BRINP3: variants seen among roughly 807,000 people sequenced by gnomAD.
BRINP3 encodes BMP/retinoic acid inducible neural specific 3.
BRINP3 carries 19 observed loss-of-function variants against 71.0 expected under a neutral mutation model. That is an observed-to-expected ratio of 0.27 (90% CI 0.19 to 0.39). The LOEUF (loss-of-function observed/expected upper bound fraction) is 0.39. Ranked by LOEUF, BRINP3 falls within the 10% of genes least tolerant of loss-of-function variation. BRINP3 has a pLI of 1.00. For missense variants in BRINP3, 959 were observed against 940.8 expected (o/e 1.02, Z -0.25); for synonymous variants, 380 against 337.7 (o/e 1.13, Z -1.37).
At chr1:190,401,376 CAAAA>C (rs762938571) in intron 2 of BRINP3, among the ~76,000 whole-genome samples, 5 of 89,372 alleles carry the variant, frequency 5.6e-5, no homozygotes, top group Non-Finnish European at 7.9e-5. Flanking sequence ...CATCTCAAAA[CAAAA>C]AAAAAAAAAA....
rs77373916 is a variant in BRINP3 at position 190,458,329 on chromosome 1, T to A, written c.-50-3389A>T. Among the ~76,000 whole-genome samples the A allele has an allele frequency of 1.2e-3, 180 of 152,236 alleles. 1 individual carries two copies. The East Asian group carries it at 0.014, about 12-fold the overall frequency. On this transcript the variant is annotated intron_variant, in intron 1 of 7. Transcript: ENST00000367462. ...ATATTTTGTAATGAACAAATTGAGA[T>A]ATCCCAATAAAGTTATACTGAAATA...
rs3078073 is a variant in BRINP3, at chr1:190,118,131, TAC to T, written c.1185-18999_1185-18998del. On this transcript the variant is annotated intron_variant, in intron 7 of 7. Coordinates refer to ENST00000367462, the MANE Select transcript of BRINP3 (RefSeq NM_199051.3). ...AAATTAATATTCTGTTCCCAAATCA[TAC>T]ACACACACACACACAATATAAACAA... is the stretch of plus-strand genomic sequence containing the variant. 9.7e-4 allele frequency among the ~76,000 whole-genome samples: 145 copies of T among 150,218 alleles called. 1 individual carries two copies. The highest frequency in any genetic ancestry group is 3.4e-3 in the African/African-American group (141 of 40,954).
chr1:190,440,659 A>G (rs1327375015), intron 2 of BRINP3, among the ~76,000 whole-genome samples: 1 of 152,016 alleles, frequency 6.6e-6, no homozygotes, highest in African/African-American at 2.4e-5. Context: ...ATGGTCGATA[A>G]AAGCATGAAA....
Position 190,098,025 on chromosome 1 carries a change from C to T in BRINP3, c.2294G>A (p.Cys765Tyr). 1.2e-6 allele frequency: 2 copies of T among 1,602,478 alleles called. No individual in the cohort carries two copies. The highest frequency in any genetic ancestry group is 1.7e-6 in the Non-Finnish European group (2 of 1,174,106). Reference sequence around the variant, plus strand: ...TGTGCTTGACATTTATGGTTAACTACATAATTTGGTCGTGTCATAATCCAT... The same window carrying T: ...TGTGCTTGACATTTATGGTTAACTATATAATTTGGTCGTGTCATAATCCAT... ...NTMDYDTTKL[C>Y]S is the part of the protein sequence containing the mutation. Residue 765 changes from cysteine to tyrosine, a missense_variant, in exon 8 of 8, where the codon TGT (cysteine) becomes TAT (tyrosine). By Grantham distance (194) the Cys-to-Tyr change is radical (BLOSUM62 -2). Transcript: ENST00000367462.
intron 2 of BRINP3, among the ~76,000 whole-genome samples, chr1:190,316,367 G>A (rs534094988): frequency 3.3e-5 from 5 of 152,148 alleles, no homozygotes; most frequent in African/African-American, 1.2e-4. Flanking sequence ...TTAATGTGTG[G>A]CAGAGTCAGA....
chr1:190,298,457 T>C (rs1196599745), intron 2 of BRINP3, among the ~76,000 whole-genome samples: 3 of 151,922 alleles, frequency 2.0e-5, no homozygotes, highest in Non-Finnish European at 4.4e-5. Flanking sequence ...TACATGAAAG[T>C]TTTTTGTGCT....
chr1:190,387,666 T>C (rs1670997844), intron 2 of BRINP3, among the ~76,000 whole-genome samples: 1 of 151,564 alleles, frequency 6.6e-6, no homozygotes, highest in African/African-American at 2.4e-5. Flanking sequence ...TTGCTTTTCC[T>C]ATGTCTCATT....
At chr1:190,361,785 C>A in intron 2 of BRINP3, among the ~76,000 whole-genome samples, 2 of 152,180 alleles carry the variant, frequency 1.3e-5, no homozygotes, top group South Asian at 4.1e-4. Context: ...ATGTACAAGG[C>A]GGCTACATGC....
chr1:190,449,596 T>C (rs749233122), intron 2 of BRINP3, among the ~76,000 whole-genome samples: 4 of 152,002 alleles, frequency 2.6e-5, no homozygotes, highest in African/African-American at 4.8e-5. Flanking sequence ...ATGTATAATA[T>C]ATTACTGTAT....
intron 2 of BRINP3, among the ~76,000 whole-genome samples, chr1:190,288,324 A>G (rs1216234760): frequency 2.0e-5 from 3 of 151,996 alleles, no homozygotes; most frequent in Non-Finnish European, 4.4e-5. Flanking sequence ...AAAAAGAGAT[A>G]CATGGAATGT....
chr1:190,248,855 C>A (rs1055185200), intron 4 of BRINP3, among the ~76,000 whole-genome samples: 4 of 151,590 alleles, frequency 2.6e-5, no homozygotes, highest in African/African-American at 7.3e-5. Context: ...GGTTATGAGA[C>A]AGACTTTCTG....
At chr1:190,301,202 T>TAC (rs1298282078) in intron 2 of BRINP3, among the ~76,000 whole-genome samples, 6 of 26,146 alleles carry the variant, frequency 2.3e-4, no homozygotes, top group Non-Finnish European at 4.6e-4. Context: ...TATATACACA[T>TAC]ACATATATAT....
Position 190,277,087 on chromosome 1 carries a change from T to TTTTATATATATATATATATA in BRINP3, c.427+4472_427+4473insTATATATATATATATATAAA, listed in dbSNP as rs1290283215. On this transcript the variant is annotated intron_variant, in intron 3 of 7. Transcript: ENST00000367462. Reference sequence around the variant, plus strand: ...TTTGATCCTGAAATAAATTTTGGTTTTATATATATATATATATATATATAT... The same window carrying TTTTATATATATATATATATA: ...TTTGATCCTGAAATAAATTTTGGTTTTTTATATATATATATATATATATATATATATATATATATATATAT... Among the ~76,000 whole-genome samples, 91 of 36,026 alleles carry TTTTATATATATATATATATA rather than the reference T, an allele frequency of 2.5e-3. 2 individuals carry two copies. The highest frequency in any genetic ancestry group is 5.2e-3 in the Non-Finnish European group (78 of 15,012). The allele number at this position is 36,026 out of a possible 152,430, so 23.6% of individuals were successfully genotyped here. A position where few individuals can be genotyped will look rare whatever the true frequency, so the allele number is the denominator to read the frequency against.
At chr1:190,316,779 T>C (rs925562078) in intron 2 of BRINP3, among the ~76,000 whole-genome samples, 4 of 152,112 alleles carry the variant, frequency 2.6e-5, no homozygotes, top group Non-Finnish European at 5.9e-5. Context: ...ATTAAACTAG[T>C]TTTGAATTCA....
intron 2 of BRINP3, among the ~76,000 whole-genome samples, chr1:190,301,162 T>TAC (rs1456817965): frequency 4.1e-5 from 3 of 73,694 alleles, no homozygotes; most frequent in African/African-American, 1.3e-4. Context: ...TACATATATA[T>TAC]ATACATATAT....
At chr1:190,121,010 A>G (rs531556990) in intron 7 of BRINP3, among the ~76,000 whole-genome samples, 1 of 152,306 alleles carries the variant, frequency 6.6e-6, no homozygotes, top group Admixed American at 6.5e-5. Flanking sequence ...GAAAATATAA[A>G]CAAGAAAGAT....
intron 4 of BRINP3, among the ~76,000 whole-genome samples, chr1:190,256,766 G>A (rs1016319024): frequency 1.3e-5 from 2 of 152,142 alleles, no homozygotes; most frequent in African/African-American, 4.8e-5. Context: ...AGCTGGATAT[G>A]AAATTTTGGG....
intron 6 of BRINP3, among the ~76,000 whole-genome samples, chr1:190,205,586 G>T (rs539492738): frequency 1.3e-5 from 2 of 152,160 alleles, no homozygotes; most frequent in Admixed American, 1.3e-4. Flanking sequence ...TTAGAGAAAA[G>T]AAATGATTGG....
At chr1:190,337,207 G>GA (rs1667347756) in intron 2 of BRINP3, among the ~76,000 whole-genome samples, 1 of 151,694 alleles carries the variant, frequency 6.6e-6, no homozygotes, top group Non-Finnish European at 1.5e-5. Flanking sequence ...CCTACTCCCA[G>GA]AAAAAAAACG....
Sources: gnomAD v4.1 joint callset for allele counts (sites outside exome capture counted in the v4.1 genomes callset) on GRCh38, gnomAD v4.1.1 for gene constraint, MANE v1.5 for transcripts, NCBI Gene and HGNC (gene_info 2026-07-23, HGNC 2026-07-21) for gene names.